Variants in ABHD2 observed in about 807,000 individuals in gnomAD.
ABHD2 encodes the protein monoacylglycerol lipase ABHD2.
A neutral mutation model predicts 48.1 loss-of-function variants in ABHD2; 20 were observed. That is an observed-to-expected ratio of 0.42 (90% CI 0.29 to 0.60). The LOEUF (loss-of-function observed/expected upper bound fraction) is 0.60. Among genes scored for constraint, ABHD2 ranks in the 20% least tolerant of loss-of-function variants. The pLI, the probability that ABHD2 is intolerant of heterozygous loss-of-function variation, is 0.24. For synonymous variants in ABHD2, 209 were observed against 214.2 expected (o/e 0.98, Z 0.21); for missense variants, 405 against 550.9 (o/e 0.74, Z 2.65).
chr15:89,187,727 A>C (rs1286658307), intron 7 of ABHD2, among the ~76,000 whole-genome samples: 1 of 152,242 alleles, frequency 6.6e-6, no homozygotes, highest in Non-Finnish European at 1.5e-5. Context: ...CCAAATGCTA[A>C]ATGAGTTAAC....
In ABHD2 at chr15:89,201,856, T is replaced by G; in HGVS notation, c.*6433T>G. ...CTTGCTCGCTGGGGGCGGGGGACGA[T>G]GGCGAGAGGGGAGGGGGAGCGAGTT... On this transcript the variant is annotated 3_prime_UTR_variant, in exon 11 of 11. Coordinates refer to ENST00000352732, the MANE Select transcript of ABHD2 (RefSeq NM_152924.5). The G allele has an allele frequency of 3.5e-6, 3 of 857,950 alleles. No individual in the cohort carries two copies. Among genetic ancestry groups the G allele is most frequent in the Admixed American group, 2.0e-5 (1 of 48,844 alleles). The allele number at this position is 857,950 out of a possible 1,614,324, so 53.1% of individuals were successfully genotyped here.
rs1031044236 is a variant in ABHD2, at chr15:89,198,671, C to T, written c.*3248C>T. On this transcript the variant is annotated 3_prime_UTR_variant, in exon 11 of 11. Coordinates refer to ENST00000352732, the MANE Select transcript of ABHD2 (RefSeq NM_152924.5). The surrounding 1 kb of genome is among the most constrained non-coding windows in gnomAD (Gnocchi z 5.1). The stretch of plus-strand genomic sequence containing the variant: ...ATCACCTCACCTCTCTGAGCCTGTT[C>T]CCTCCTCTTAGACCATCTCTAAGAC... 1 of 152,350 alleles carries T rather than the reference C, an allele frequency of 6.6e-6. No individual in the cohort carries two copies. Among genetic ancestry groups the T allele is most frequent in the African/African-American group, 2.4e-5 (1 of 41,570 alleles). 9.4% of individuals were successfully genotyped at this position (152,350 alleles called of 1,614,324 possible). A position where few individuals can be genotyped will look rare whatever the true frequency, so the allele number is the denominator to read the frequency against.
chr15:89,187,072 G>A (rs567716715), intron 7 of ABHD2, among the ~76,000 whole-genome samples: 3 of 152,310 alleles, frequency 2.0e-5, no homozygotes, highest in African/African-American at 4.8e-5. Flanking sequence ...AGTTTGAATG[G>A]GTCTGGAGAT....
intron 5 of ABHD2, among the ~76,000 whole-genome samples, chr15:89,158,319 A>C (rs1207501707): frequency 2.0e-5 from 3 of 152,248 alleles, no homozygotes; most frequent in Non-Finnish European, 2.9e-5. Flanking sequence ...GGCTGCCGGA[A>C]TCATCTCAGA....
At chr15:89,110,729 G>A (rs2049860684) in intron 1 of ABHD2, among the ~76,000 whole-genome samples, 1 of 152,194 alleles carries the variant, frequency 6.6e-6, no homozygotes, top group African/African-American at 2.4e-5. Flanking sequence ...GATCGAGGCT[G>A]TGTAGTTGGA....
At chr15:89,061,772 C>T in the ABHD2 span, among the ~76,000 whole-genome samples, 2 of 152,058 alleles carry the variant, frequency 1.3e-5, no homozygotes, top group South Asian at 2.1e-4. Flanking sequence ...CGGGGTTTTG[C>T]CATGTTGCCC....
At chr15:89,084,622 G>A (rs953859359), upstream of ABHD2, among the ~76,000 whole-genome samples, 2 of 152,122 alleles carry the variant, frequency 1.3e-5, no homozygotes, top group African/African-American at 4.8e-5. This position sits in a 1 kb window ranked among gnomAD's most constrained non-coding sequence, Gnocchi z 4.4. Context: ...AAAAAATAAA[G>A]TCTATCTATA....
chr15:89,097,035 T>A lies in ABHD2; in HGVS notation c.-107+8472T>A, dbSNP rs2049623962. On this transcript the variant is annotated intron_variant, in intron 1 of 10. Coordinates refer to ENST00000352732, the MANE Select transcript of ABHD2 (RefSeq NM_152924.5). The surrounding 1 kb of genome is among the most constrained non-coding windows in gnomAD (Gnocchi z 4.2). ...GTAGAGGCTTGATCGCAGCTGAAAG[T>A]TGGGGTGAGCTTGGGCCTTTGTGAC... Among the ~76,000 whole-genome samples the A allele has an allele frequency of 6.6e-6, 1 of 152,218 alleles. No homozygotes were observed. Among genetic ancestry groups the A allele is most frequent in the South Asian group, 2.1e-4 (1 of 4,832 alleles).
Position 89,155,446 on chromosome 15 carries a change from C to G in ABHD2, c.450C>G (p.Ala150=), listed in dbSNP as rs2050657298. The change falls in exon 5 of 11, where the codon GCC becomes GCG. Residue 150 remains alanine (A), a synonymous_variant. Transcript: ENST00000352732. This position sits in a 1 kb window ranked among gnomAD's most constrained non-coding sequence, Gnocchi z 4.9. ...ACATCCGCACTTTCGTTGACTACGC[C>G]CAGAAAAATGGCTATCGGTGCGCCG... The part of the protein sequence containing the change: ...KQYIRTFVDY[A]QKNGYRCAVL... 2 of 1,614,028 alleles carry G rather than the reference C, an allele frequency of 1.2e-6. No individual in the cohort carries two copies. The highest frequency in any genetic ancestry group is 1.1e-5 in the South Asian group (1 of 91,086).
At chr15:89,068,753 T>A in the ABHD2 span, among the ~76,000 whole-genome samples, 93 of 110,656 alleles carry the variant, frequency 8.4e-4, no homozygotes, top group African/African-American at 1.8e-3. Context: ...GCAAGCTTCC[T>A]CTTTTTTTTT....
At position 89,176,639 on chromosome 15, in the gene ABHD2, GTC is replaced by G. The variant is rs2051018613; in HGVS notation, c.722+649_722+650del. Reference sequence around the variant, plus strand: ...CCCCTGAAGATCACTGCTGTCCCAGGTCTCTCAAGAGTCACCACACTCACACG... The same window carrying G: ...CCCCTGAAGATCACTGCTGTCCCAGGTCTCAAGAGTCACCACACTCACACG... On this transcript the variant is annotated intron_variant, in intron 6 of 10. Coordinates refer to ENST00000352732, the MANE Select transcript of ABHD2 (RefSeq NM_152924.5). This position sits in a 1 kb window ranked among gnomAD's most constrained non-coding sequence, Gnocchi z 4.5. Among the ~76,000 whole-genome samples the G allele has an allele frequency of 6.6e-6, 1 of 151,980 alleles. No individual in the cohort carries two copies. Among genetic ancestry groups the G allele is most frequent in the Non-Finnish European group, 1.5e-5 (1 of 67,988 alleles).
intron 1 of ABHD2, among the ~76,000 whole-genome samples, chr15:89,111,475 T>TCAG (rs2049874091): frequency 6.6e-6 from 1 of 152,176 alleles, no homozygotes; most frequent in African/African-American, 2.4e-5. Flanking sequence ...TGTCAAGAAT[T>TCAG]CAGATTTCTG....
chr15:89,201,836 T>TCTG lies in ABHD2; in HGVS notation c.*6414_*6415insTGC. The TCTG allele has an allele frequency of 9.2e-7, 1 of 1,086,990 alleles. No individual in the cohort carries two copies. The highest frequency in any genetic ancestry group is 1.4e-6 in the Non-Finnish European group (1 of 738,038). 67.3% of individuals were successfully genotyped at this position (1,086,990 alleles called of 1,614,324 possible). On this transcript the variant is annotated 3_prime_UTR_variant, in exon 11 of 11. Transcript: ENST00000352732. Reference sequence around the variant, plus strand: ...CAGCGCAGAGCAGGGGGCGGCTTGCTCGCTGGGGGCGGGGGACGATGGCGA... The same window carrying TCTG: ...CAGCGCAGAGCAGGGGGCGGCTTGCTCTGCGCTGGGGGCGGGGGACGATGGCGA...
chr15:89,080,331 G>A, the ABHD2 span, among the ~76,000 whole-genome samples: 1 of 152,330 alleles, frequency 6.6e-6, no homozygotes, highest in Admixed American at 6.5e-5. Flanking sequence ...GAAAGTTCAA[G>A]TGTAAGGGTG....
intron 1 of ABHD2, among the ~76,000 whole-genome samples, chr15:89,096,244 C>T (rs2049611505): frequency 6.6e-6 from 1 of 152,186 alleles, no homozygotes; most frequent in African/African-American, 2.4e-5. Context: ...TAATGTAGCT[C>T]ATCTGAATTT....
At position 89,155,561 on chromosome 15, in the gene ABHD2, CT is replaced by C; in HGVS notation, c.538+32del. 1 of 1,592,764 alleles carries C rather than the reference CT, an allele frequency of 6.3e-7. No individual in the cohort carries two copies. Among genetic ancestry groups the C allele is most frequent in the Non-Finnish European group, 8.6e-7 (1 of 1,165,144 alleles). Reference sequence around the variant, plus strand: ...TAAGCATGGCTAAGTGGAGTCCTCCCTTTTTCTGCAAGTGTGCTACTACTTC... The same window carrying C: ...TAAGCATGGCTAAGTGGAGTCCTCCCTTTTCTGCAAGTGTGCTACTACTTC... On this transcript the variant is annotated intron_variant, in intron 5 of 10. Transcript: ENST00000352732. This position sits in a 1 kb window ranked among gnomAD's most constrained non-coding sequence, Gnocchi z 4.9.
chr15:89,079,646 A>G, the ABHD2 span, among the ~76,000 whole-genome samples: 1 of 152,254 alleles, frequency 6.6e-6, no homozygotes, highest in Non-Finnish European at 1.5e-5. This position sits in a 1 kb window ranked among gnomAD's most constrained non-coding sequence, Gnocchi z 4.3. Flanking sequence ...GATCAAAGCC[A>G]CAACTATTTA....
chr15:89,114,910 G>A lies in ABHD2; in HGVS notation c.-7+1086G>A, dbSNP rs1227185839. Among the ~76,000 whole-genome samples, 1 of 152,306 alleles carries A rather than the reference G, an allele frequency of 6.6e-6. No individual in the cohort carries two copies. On this transcript the variant is annotated intron_variant, in intron 2 of 10. Coordinates refer to ENST00000352732, the MANE Select transcript of ABHD2 (RefSeq NM_152924.5). This position sits in a 1 kb window ranked among gnomAD's most constrained non-coding sequence, Gnocchi z 4.2. Reference sequence around the variant, plus strand: ...TAAAAATCCTTGTCTTGCCCTGATGGTGGAAGACTAGTTACGGAGCTGTGA... The same window carrying A: ...TAAAAATCCTTGTCTTGCCCTGATGATGGAAGACTAGTTACGGAGCTGTGA...
At chr15:89,127,727 A>ATATG (rs2050156925) in intron 3 of ABHD2, among the ~76,000 whole-genome samples, 1 of 142,646 alleles carries the variant, frequency 7.0e-6, no homozygotes, top group African/African-American at 2.7e-5. Flanking sequence ...ATACACATAT[A>ATATG]TATATATATA....
Sources: gnomAD v4.1 joint callset for allele counts (sites outside exome capture counted in the v4.1 genomes callset) on GRCh38, gnomAD v4.1.1 for gene constraint, Gnocchi (gnomAD v3.1) non-coding constraint, MANE v1.5 for transcripts, NCBI Gene and HGNC (gene_info 2026-07-23, HGNC 2026-07-21) for gene names.